Variants in HSP90AB1 observed in about 807,000 individuals in gnomAD.
HSP90AB1 encodes the protein heat shock protein HSP 90-beta.
Under a neutral mutation model 67.8 loss-of-function variants are expected in HSP90AB1, and 17 were observed. That is an observed-to-expected ratio of 0.25 (90% CI 0.17 to 0.38). The LOEUF (loss-of-function observed/expected upper bound fraction) is 0.38, where lower values mean the gene tolerates loss of function less well. HSP90AB1 is among the 10% of genes least tolerant of loss of function. The pLI, the probability that HSP90AB1 is intolerant of heterozygous loss-of-function variation, is 1.00. For synonymous variants in HSP90AB1, 390 were observed against 312.9 expected, an observed-to-expected ratio of 1.25 and a Z score of -2.60; for missense variants, 690 against 899.9, an observed-to-expected ratio of 0.77 and a Z score of 2.98.
At position 44,251,110 on chromosome 6, in the gene HSP90AB1, C is replaced by A. The variant is rs148311257; in HGVS notation, c.1020C>A (p.Pro340=). 27 of 1,614,012 alleles carry A rather than the reference C, an allele frequency of 1.7e-5. No individual in the cohort carries two copies. Among genetic ancestry groups the A allele is most frequent in the Non-Finnish European group, 2.3e-5 (27 of 1,180,008 alleles). The part of the protein sequence containing the change: ...RALLFIPRRA[P]FDLFENKKKK... ...TGCTATTTATTCCTCGTCGGGCTCC[C>A]TTTGACCTTTTTGAGAACAAGAAGA... is the stretch of plus-strand genomic sequence containing the variant. Residue 340 remains proline (P), a synonymous_variant, in exon 7 of 12, where the codon CCC becomes CCA. Transcript: ENST00000371646.
rs776041241 is a variant in HSP90AB1, at chr6:44,253,609, C to G, written c.*11C>G. The G allele has an allele frequency of 3.1e-6, 5 of 1,605,654 alleles. No homozygotes were observed. The South Asian group carries it at 5.5e-5, about 18-fold the overall frequency. ...GAAGAAGTCGATTAGGTTAGGAGTTCATAGTTGGAAAACTTGTGCCCTTGT... is the reference window on the plus strand; with the variant it reads ...GAAGAAGTCGATTAGGTTAGGAGTTGATAGTTGGAAAACTTGTGCCCTTGT... On this transcript the variant is annotated 3_prime_UTR_variant, in exon 12 of 12. Coordinates refer to ENST00000371646, the MANE Select transcript of HSP90AB1 (RefSeq NM_007355.4).
rs370990246 is a variant in HSP90AB1, at chr6:44,252,295, T to G, written c.1731+28T>G. 12 of 1,601,784 alleles carry G rather than the reference T, an allele frequency of 7.5e-6. No individual in the cohort carries two copies. The Middle Eastern group carries it at 1.0e-3, about 133-fold the overall frequency. On this transcript the variant is annotated intron_variant, in intron 10 of 11. Transcript: ENST00000371646. ...AAGCCATTCTGGGGCTAGGATATAT[T>G]TTGTAACATCTTCGAGGTGGGCTCC... is the stretch of plus-strand genomic sequence containing the variant.
chr6:44,251,799 C>T lies in HSP90AB1; in HGVS notation c.1377C>T (p.Thr459=), dbSNP rs190938365. ...RRLSELLRYH[T]SQSGDEMTSL... is the part of the protein sequence containing the mutation. ...TGTCTGAGCTGCTGCGCTATCATACCTCCCAGTCTGGAGATGAGATGACAT... is the reference window on the plus strand; with the variant it reads ...TGTCTGAGCTGCTGCGCTATCATACTTCCCAGTCTGGAGATGAGATGACAT... Residue 459 remains threonine, a synonymous_variant, in exon 9 of 12, where the codon ACC becomes ACT. Coordinates refer to ENST00000371646, the MANE Select transcript of HSP90AB1 (RefSeq NM_007355.4). The T allele has an allele frequency of 2.7e-5, 44 of 1,613,328 alleles. No homozygotes were observed. The East Asian group carries it at 6.5e-4, about 24-fold the overall frequency.
intron 4 of HSP90AB1, 40 bp from the exon 5 acceptor site, chr6:44,249,981 A>G (rs1780439854): frequency 6.2e-7 from 1 of 1,612,740 alleles, no homozygotes; most frequent in African/African-American, 1.3e-5. Flanking sequence ...AACTGCATAT[A>G]CTTTTTACCC....
chr6:44,252,495 CT>C (rs34368867), intron 10 of HSP90AB1, among the ~76,000 whole-genome samples: 5 of 149,148 alleles, frequency 3.4e-5, no homozygotes, highest in South Asian at 4.3e-4. Flanking sequence ...CCATCATTTT[CT>C]TTTTTTTTTC....
chr6:44,249,976 C>T, intron 4 of HSP90AB1, 45 bp from the exon 5 acceptor site: 8 of 1,611,048 alleles, frequency 5.0e-6, no homozygotes, highest in Non-Finnish European at 6.8e-6. Flanking sequence ...GTCTCAACTG[C>T]ATATACTTTT....
Position 44,251,182 on chromosome 6 carries a change from C to T in HSP90AB1, c.1092C>T (p.Asp364=). 3.1e-6 allele frequency: 5 copies of T among 1,614,178 alleles called. No individual in the cohort carries two copies. Among genetic ancestry groups the T allele is most frequent in the Non-Finnish European group, 4.2e-6 (5 of 1,180,002 alleles). Residue 364 remains aspartate, a synonymous_variant, in exon 7 of 12, where the codon GAC becomes GAT. Transcript: ENST00000371646. ...KLYVRRVFIM[D]SCDELIPEYL... ...ATGTCCGCCGTGTGTTCATCATGGA[C>T]AGCTGTGATGAGTTGATACCAGAGT...
At chr6:44,249,908 G>A in intron 4 of HSP90AB1, 74 bp downstream of exon 4, 1 of 1,584,100 alleles carries the variant, frequency 6.3e-7, no homozygotes, top group Non-Finnish European at 8.6e-7. Flanking sequence ...GAAATTTTGG[G>A]CATCCTGTCT....
chr6:44,248,807 G>GT (rs58519104), intron 2 of HSP90AB1, 31 bp downstream of exon 2: 14,101 of 1,354,914 alleles, frequency 0.01, 1 homozygote, highest in South Asian at 0.015. Context: ...ATTTGGCATG[G>GT]TTTTTTTTTT....
chr6:44,251,589 C>T lies in HSP90AB1; in HGVS notation c.1295C>T (p.Ala432Val), dbSNP rs1780642091. Reference protein sequence around the residue: ...DKENYKKFYEAFSKNLKLGIH... With the variant: ...DKENYKKFYEVFSKNLKLGIH... ...GAGAATTACAAGAAATTCTATGAGG[C>T]ATTCTCTAAAAATCTCAAGGTAAAA... Residue 432 changes from alanine (A) to valine (V), a missense_variant, in exon 8 of 12, where the codon GCA (alanine) becomes GTA (valine). Physicochemically the swap from Ala to Val is moderately conservative, Grantham distance 64. This residue lies in a region of HSP90AB1 where 206 missense variants were observed against 221.4 expected (regional missense o/e 0.93). Coordinates refer to ENST00000371646, the MANE Select transcript of HSP90AB1 (RefSeq NM_007355.4). 1 of 1,604,190 alleles carries T rather than the reference C, an allele frequency of 6.2e-7. No individual in the cohort carries two copies. Among genetic ancestry groups the T allele is most frequent in the Non-Finnish European group, 8.5e-7 (1 of 1,173,720 alleles).
intron 10 of HSP90AB1, 53 bp from the exon 11 acceptor site, chr6:44,252,991 GT>G (rs1364258963): frequency 1.4e-6 from 2 of 1,469,598 alleles, no homozygotes; most frequent in Non-Finnish European, 9.5e-7. Flanking sequence ...GACAATGCCT[GT>G]TTTCTCTTTC....
intron 6 of HSP90AB1, 47 bp from the exon 7 acceptor site, chr6:44,251,001 A>G (rs1780578025): frequency 1.3e-6 from 2 of 1,550,818 alleles, no homozygotes; most frequent in Non-Finnish European, 1.8e-6. Context: ...TGTTGGGGCT[A>G]AAAGGTCCTC....
At position 44,253,817 on chromosome 6, in the gene HSP90AB1, ATTT is replaced by A; in HGVS notation, c.*221_*223del. On this transcript the variant is annotated 3_prime_UTR_variant, in exon 12 of 12. Transcript: ENST00000371646. ...GATTGGATGTTGTGTATTGTGGTTT[ATTT>A]TATTTTCTTCATTTTGTTCTGAAAT... 1.3e-6 allele frequency: 1 copy of A among 762,484 alleles called. No individual in the cohort carries two copies. The allele number at this position is 762,484 out of a possible 1,614,324, so 47.2% of individuals were successfully genotyped here.
At chr6:44,252,381 T>G (rs907645448) in intron 10 of HSP90AB1, 114 bp downstream of exon 10, 6 of 928,826 alleles carry the variant, frequency 6.5e-6, no homozygotes, top group African/African-American at 1.7e-5. Flanking sequence ...GTTTCATGCC[T>G]TCTTGCCTCT....
chr6:44,249,930 C>T (rs9381303), intron 4 of HSP90AB1, 91 bp from the exon 5 acceptor site: 139,735 of 1,585,360 alleles, frequency 0.088, 7,394 homozygotes, highest in East Asian at 0.26. Flanking sequence ...TAAAGCAGTT[C>T]TTCACAGCAG....
chr6:44,251,671 C>A (rs1425725514), intron 8 of HSP90AB1, 63 bp downstream of exon 8: 3 of 1,588,538 alleles, frequency 1.9e-6, no homozygotes, highest in Non-Finnish European at 2.6e-6. Flanking sequence ...TAAATTATTC[C>A]ATTCACATTG....
Position 44,253,551 on chromosome 6 carries a change from C to T in HSP90AB1, c.2128C>T (p.Pro710Ser). Residue 710 changes from proline (P) to serine (S), a missense_variant, in exon 12 of 12, where the codon CCT (proline) becomes TCT (serine). Physicochemically the swap from Pro to Ser is moderately conservative, Grantham distance 74. Coordinates refer to ENST00000371646, the MANE Select transcript of HSP90AB1 (RefSeq NM_007355.4). ...PNAAVPDEIP[P>S]LEGDEDASRM... ...TGCTGCAGTTCCTGATGAGATCCCC[C>T]CTCTCGAGGGCGATGAGGATGCGTC... 3 of 1,614,170 alleles carry T rather than the reference C, an allele frequency of 1.9e-6. No homozygotes were observed. Among genetic ancestry groups the T allele is most frequent in the Middle Eastern group, 1.6e-4 (1 of 6,062 alleles).
rs1431544099 is a variant in HSP90AB1, at chr6:44,253,489, G to C, written c.2066G>C (p.Gly689Ala). The C allele has an allele frequency of 1.2e-6, 2 of 1,612,626 alleles. No individual in the cohort carries two copies. Among genetic ancestry groups the C allele is most frequent in the Non-Finnish European group, 1.7e-6 (2 of 1,178,762 alleles). ...CTCACATGGCTTAATTTTACTTCAG[G>C]TATTGATGAAGATGAAGTGGCAGCA... is the stretch of plus-strand genomic sequence containing the variant. ...RIYRMIKLGLGIDEDEVAAEE... is the reference protein window; with the variant it reads ...RIYRMIKLGLAIDEDEVAAEE... The change falls in exon 12 of 12, where the codon GGT (glycine) becomes GCT (alanine). Residue 689 changes from glycine to alanine, a missense_variant and splice_region_variant. This residue lies in a region of HSP90AB1 where 120 missense variants were observed against 153.5 expected (regional missense o/e 0.78). Transcript: ENST00000371646.
intron 6 of HSP90AB1, 79 bp downstream of exon 6, chr6:44,250,678 G>A: frequency 1.2e-6 from 1 of 802,336 alleles, no homozygotes; most frequent in Admixed American, 2.3e-5. Flanking sequence ...TTGGGTAATA[G>A]ACACACGGAA....
Sources: gnomAD v4.1 joint callset for allele counts (sites outside exome capture counted in the v4.1 genomes callset) on GRCh38, gnomAD v4.1.1 for gene constraint, gnomAD v4.1.1 regional missense constraint, MANE v1.5 for transcripts, NCBI Gene and HGNC (gene_info 2026-07-23, HGNC 2026-07-21) for gene names.